The following ARAP2 variants were observed in gnomAD, a reference collection of about 807,000 sequenced individuals.
ARAP2 encodes the protein ArfGAP with RhoGAP domain, ankyrin repeat and PH domain 2, also known as arf-GAP with Rho-GAP domain, ANK repeat and PH domain-containing protein 2.
In ARAP2, 148 loss-of-function variants were observed where a neutral mutation model predicts 194.5. That is an observed-to-expected ratio of 0.76 (90% CI 0.67 to 0.87). The LOEUF (loss-of-function observed/expected upper bound fraction) is 0.87, where lower values mean the gene tolerates loss of function less well. Among genes scored for constraint, ARAP2 ranks in the 40% least tolerant of loss-of-function variants. The pLI is 0.00. For missense variants in ARAP2, 2,128 were observed against 1,989.7 expected (o/e 1.07, Z -1.32); for synonymous variants, 695 against 683.5 (o/e 1.02, Z -0.26).
intron 31 of ARAP2, among the ~76,000 whole-genome samples, chr4:36,075,647 C>G (rs1219207922): frequency 6.6e-6 from 1 of 152,128 alleles, no homozygotes; most frequent in Non-Finnish European, 1.5e-5. Flanking sequence ...ATTTCATGGT[C>G]AATCAGTAAA....
intron 9 of ARAP2, among the ~76,000 whole-genome samples, chr4:36,175,235 T>A (rs1365947707): frequency 2.0e-5 from 3 of 152,208 alleles, no homozygotes; most frequent in Non-Finnish European, 1.5e-5. Flanking sequence ...ACTGTGTGTG[T>A]TTGTATAAAA....
At chr4:36,151,257 C>T (rs753989209) in intron 15 of ARAP2, among the ~76,000 whole-genome samples, 2 of 151,370 alleles carry the variant, frequency 1.3e-5, no homozygotes, top group African/African-American at 2.4e-5. Flanking sequence ...AAGGAATGTA[C>T]AAAACAAAAA....
intron 8 of ARAP2, among the ~76,000 whole-genome samples, chr4:36,178,271 C>A (rs1191357282): frequency 6.6e-6 from 1 of 152,170 alleles, no homozygotes; most frequent in Non-Finnish European, 1.5e-5. Context: ...TACTCCAGAT[C>A]TGATGAATCA....
chr4:36,038,517 G>A (rs1007624529), intron 5 of ARAP2, among the ~76,000 whole-genome samples: 7 of 152,240 alleles, frequency 4.6e-5, no homozygotes, highest in South Asian at 2.1e-4. Flanking sequence ...TGTAACTTCC[G>A]TGACTCAGGC....
At chr4:36,230,294 T>C (rs1751189478) in intron 1 of ARAP2, among the ~76,000 whole-genome samples, 1 of 152,212 alleles carries the variant, frequency 6.6e-6, no homozygotes, top group African/African-American at 2.4e-5. Flanking sequence ...TCAAGTTTTA[T>C]GCAATTTTCT....
intron 31 of ARAP2, among the ~76,000 whole-genome samples, chr4:36,075,097 T>TGGTTAAAAACCAAAC (rs1727956695): frequency 6.6e-6 from 1 of 152,156 alleles, no homozygotes. Context: ...AAAAAAAGCA[T>TGGTTAAAAACCAAAC]ATTATATAAT....
chr4:36,096,748 T>A (rs971341265), intron 27 of ARAP2, among the ~76,000 whole-genome samples: 3 of 152,150 alleles, frequency 2.0e-5, no homozygotes, highest in Non-Finnish European at 4.4e-5. Flanking sequence ...CTGCTAAAAT[T>A]TGTCTTCTGG....
At chr4:36,130,715 T>C (rs544184423) in intron 20 of ARAP2, among the ~76,000 whole-genome samples, 1 of 151,938 alleles carries the variant, frequency 6.6e-6, no homozygotes, top group Non-Finnish European at 1.5e-5. Context: ...AAAAATTATG[T>C]CTTATTTTCT....
intron 27 of ARAP2, among the ~76,000 whole-genome samples, chr4:36,107,198 A>G (rs1718636744): frequency 6.6e-6 from 1 of 152,046 alleles, no homozygotes; most frequent in Non-Finnish European, 1.5e-5. Flanking sequence ...CTATATAATT[A>G]GCATTCCTTT....
chr4:36,028,446 T>C (rs1718312729), intron 5 of ARAP2, among the ~76,000 whole-genome samples: 1 of 152,022 alleles, frequency 6.6e-6, no homozygotes, highest in Admixed American at 6.6e-5. Flanking sequence ...TGGTTATTTT[T>C]CCTTCATCTA....
At chr4:36,042,105 T>C (rs1720965966) in intron 5 of ARAP2, among the ~76,000 whole-genome samples, 1 of 152,100 alleles carries the variant, frequency 6.6e-6, no homozygotes. Flanking sequence ...TGAAATAATA[T>C]GTATGACAAG....
chr4:36,078,330 C>T (rs1454664758), intron 31 of ARAP2, among the ~76,000 whole-genome samples: 1 of 152,016 alleles, frequency 6.6e-6, no homozygotes, highest in Non-Finnish European at 1.5e-5. Context: ...GGAAAAGTTT[C>T]TCTGAGAATG....
chr4:36,203,312 G>A (rs1744834042), intron 6 of ARAP2, among the ~76,000 whole-genome samples: 4 of 151,458 alleles, frequency 2.6e-5, no homozygotes, highest in Admixed American at 6.6e-5. Flanking sequence ...CAGGCCTGGC[G>A]CAGTGGCTCA....
intron 19 of ARAP2, among the ~76,000 whole-genome samples, chr4:36,140,734 T>A (rs1484588859): frequency 6.6e-6 from 1 of 151,734 alleles, no homozygotes; most frequent in Non-Finnish European, 1.5e-5. Flanking sequence ...CTGAGAAAAG[T>A]AATCTGTTCC....
intron 7 of ARAP2, chr4:36,015,757 T>G (rs1210166289): frequency 6.6e-6 from 1 of 152,188 alleles, no homozygotes; most frequent in Non-Finnish European, 1.5e-5. Context: ...AGATTCTACC[T>G]CTTGAAGTGA....
At chr4:36,127,660 T>A (rs1445168304) in intron 21 of ARAP2, among the ~76,000 whole-genome samples, 1 of 151,956 alleles carries the variant, frequency 6.6e-6, no homozygotes, top group East Asian at 1.9e-4. Flanking sequence ...ACAAACACAT[T>A]ATAATTATGG....
At chr4:36,194,674 AAATT>A (rs1560637012) in intron 6 of ARAP2, among the ~76,000 whole-genome samples, 2 of 152,190 alleles carry the variant, frequency 1.3e-5, no homozygotes, top group Non-Finnish European at 2.9e-5. Flanking sequence ...CAAGCCTCCC[AAATT>A]AATTGTTAGC....
At chr4:36,176,289 T>C (rs145803540) in intron 9 of ARAP2, among the ~76,000 whole-genome samples, 175 of 152,334 alleles carry the variant, frequency 1.1e-3, no homozygotes, top group Middle Eastern at 6.8e-3. Flanking sequence ...TAAAAGGAAA[T>C]GTCTACTGTA....
At chr4:36,030,958 T>C (rs946568465) in intron 5 of ARAP2, among the ~76,000 whole-genome samples, 7 of 151,966 alleles carry the variant, frequency 4.6e-5, no homozygotes, top group Non-Finnish European at 1.0e-4. Flanking sequence ...GGTGAAACCC[T>C]GTCTCTACTA....
Sources: allele counts gnomAD v4.1 joint callset (sites outside exome capture counted in the v4.1 genomes callset), GRCh38; gene constraint gnomAD v4.1.1; transcripts MANE v1.5; gene names NCBI Gene and HGNC (gene_info 2026-07-23, HGNC 2026-07-21).